Variants in CHST12 observed in about 807,000 individuals in gnomAD.
CHST12 encodes the protein carbohydrate (chondroitin 4) sulfotransferase 12.
In CHST12, 23 loss-of-function variants were observed where a neutral mutation model predicts 27.9. The observed-to-expected ratio is 0.82, with a 90% confidence interval of 0.59 to 1.17. The LOEUF is 1.17. Among genes scored for constraint, CHST12 ranks in the 50% most tolerant of loss-of-function variants. The pLI, the probability that CHST12 is intolerant of heterozygous loss-of-function variation, is 0.00. For missense variants in CHST12, 682 were observed against 603.0 expected (o/e 1.13, Z -1.37); for synonymous variants, 322 against 273.0 (o/e 1.18, Z -1.77).
Position 2,439,808 on chromosome 7 carries a change from G to C in CHST12, c.*5924G>C, listed in dbSNP as rs1236195920. 6.6e-6 allele frequency: 1 copy of C among 151,968 alleles called. No individual in the cohort carries two copies. Among genetic ancestry groups the C allele is most frequent in the African/African-American group, 2.4e-5 (1 of 41,434 alleles). 9.4% of individuals were successfully genotyped at this position (151,968 alleles called of 1,614,324 possible). A position where few individuals can be genotyped will look rare whatever the true frequency, so the allele number is the denominator to read the frequency against. ...GCAGGAGAATGGCGTGAACCCGGGA[G>C]GCGGAGCTTGCAGTGAGCGGAGATT... On this transcript the variant is annotated 3_prime_UTR_variant, in exon 2 of 2. Coordinates refer to ENST00000618655, the MANE Select transcript of CHST12 (RefSeq NM_018641.5).
intron 1 of CHST12, among the ~76,000 whole-genome samples, chr7:2,417,950 C>T (rs771338838): frequency 5.3e-5 from 8 of 152,256 alleles, no homozygotes; most frequent in Non-Finnish European, 7.3e-5. Flanking sequence ...GTGGAAAATG[C>T]GCTTCTGGGG....
chr7:2,408,418 A>G (rs953459857), intron 1 of CHST12, among the ~76,000 whole-genome samples: 2 of 151,034 alleles, frequency 1.3e-5, no homozygotes, highest in Admixed American at 6.6e-5. Context: ...TCCAGGACAT[A>G]CTGTTGTGAA....
At chr7:2,428,695 A>G (rs1269727635) in intron 1 of CHST12, among the ~76,000 whole-genome samples, 4 of 152,238 alleles carry the variant, frequency 2.6e-5, no homozygotes, top group African/African-American at 9.6e-5. Flanking sequence ...GTATACAGAG[A>G]TAAGAATTTA....
intron 1 of CHST12, among the ~76,000 whole-genome samples, chr7:2,418,259 A>T (rs1400344143): frequency 3.9e-5 from 6 of 152,250 alleles, no homozygotes; most frequent in African/African-American, 1.4e-4. Context: ...CTAAGACACA[A>T]CTCTGTCAGC....
intron 1 of CHST12, among the ~76,000 whole-genome samples, chr7:2,428,629 A>G (rs1297741404): frequency 6.6e-6 from 1 of 152,072 alleles, no homozygotes; most frequent in African/African-American, 2.4e-5. Flanking sequence ...ATGAGGTGAG[A>G]TGGTCACATG....
rs1268208591 is a variant in CHST12, at chr7:2,434,134, T to TCGCC, written c.*254_*257dup. On this transcript the variant is annotated 3_prime_UTR_variant, in exon 2 of 2. Transcript: ENST00000618655. The stretch of plus-strand genomic sequence containing the variant: ...CCCACCCGCCCGCCCGCTCGCCCGC[T>TCGCC]CGCCCGCTCCTGTGGTTTTTCTGAG... 13 of 287,030 alleles carry TCGCC rather than the reference T, an allele frequency of 4.5e-5. No homozygotes were observed. The highest frequency in any genetic ancestry group is 3.8e-4 in the East Asian group (6 of 15,946). The allele number at this position is 287,030 out of a possible 1,614,324, so 17.8% of individuals were successfully genotyped here.
intron 1 of CHST12, among the ~76,000 whole-genome samples, chr7:2,410,751 C>T (rs1042990707): frequency 2.6e-5 from 4 of 151,894 alleles, no homozygotes; most frequent in South Asian, 2.1e-4. Context: ...GGTGGATGAA[C>T]GGCAAGGAGA....
At position 2,430,877 on chromosome 7, in the gene CHST12, C is replaced by T. The variant is rs139211103; in HGVS notation, c.-77-1686C>T. Among the ~76,000 whole-genome samples, 625 of 152,334 alleles carry T rather than the reference C, an allele frequency of 4.1e-3. 4 individuals carry two copies. Among genetic ancestry groups the T allele is most frequent in the South Asian group, 7.9e-3 (38 of 4,828 alleles). Reference sequence around the variant, plus strand: ...TGATGGGATTACAGATGTGAGCCACCGTGCCCTGTCAAGATTTCAATTCTT... The same window carrying T: ...TGATGGGATTACAGATGTGAGCCACTGTGCCCTGTCAAGATTTCAATTCTT... On this transcript the variant is annotated intron_variant, in intron 1 of 1. Coordinates refer to ENST00000618655, the MANE Select transcript of CHST12 (RefSeq NM_018641.5).
At chr7:2,418,666 A>G (rs1395095040) in intron 1 of CHST12, among the ~76,000 whole-genome samples, 1 of 152,186 alleles carries the variant, frequency 6.6e-6, no homozygotes, top group Non-Finnish European at 1.5e-5. Context: ...CAGCGGTTCT[A>G]TCGGACCCTT....
rs967277045 is a variant in CHST12 at position 2,439,265 on chromosome 7, T to C, written c.*5381T>C. 5 of 152,198 alleles carry C rather than the reference T, an allele frequency of 3.3e-5. No individual in the cohort carries two copies. The highest frequency in any genetic ancestry group is 9.6e-5 in the African/African-American group (4 of 41,458). 9.4% of individuals were successfully genotyped at this position (152,198 alleles called of 1,614,324 possible). A position where few individuals can be genotyped will look rare whatever the true frequency, so the allele number is the denominator to read the frequency against. ...ATGCAGGGCACTGTTCACGTGGACATGAGCCGTTTCTTAGCATCATGAGAT... is the reference window on the plus strand; with the variant it reads ...ATGCAGGGCACTGTTCACGTGGACACGAGCCGTTTCTTAGCATCATGAGAT... On this transcript the variant is annotated 3_prime_UTR_variant, in exon 2 of 2. Transcript: ENST00000618655.
intron 1 of CHST12, among the ~76,000 whole-genome samples, chr7:2,413,443 G>A (rs1781719889): frequency 6.6e-6 from 1 of 152,206 alleles, no homozygotes; most frequent in Non-Finnish European, 1.5e-5. Flanking sequence ...TATGCAGTTT[G>A]AGGAACGTGG....
At chr7:2,417,898 G>A (rs980245813) in intron 1 of CHST12, among the ~76,000 whole-genome samples, 3 of 152,220 alleles carry the variant, frequency 2.0e-5, no homozygotes, top group African/African-American at 7.2e-5. Context: ...CACGTATTAC[G>A]TGACCTTTTT....
Position 2,435,782 on chromosome 7 carries a change from CT to C in CHST12, c.*1900del. 1 of 152,400 alleles carries C rather than the reference CT, an allele frequency of 6.6e-6. No homozygotes were observed. Among genetic ancestry groups the C allele is most frequent in the Non-Finnish European group, 1.5e-5 (1 of 68,116 alleles). 9.4% of individuals were successfully genotyped at this position (152,400 alleles called of 1,614,324 possible). On this transcript the variant is annotated 3_prime_UTR_variant, in exon 2 of 2. Transcript: ENST00000618655. ...GTCCCCTGTGTTAGACACCTCCTGC[CT>C]TCCTTTCTGAAGCTTCGCTTTCTTT...
At chr7:2,416,885 T>C (rs77706058) in intron 1 of CHST12, among the ~76,000 whole-genome samples, 1 of 152,244 alleles carries the variant, frequency 6.6e-6, no homozygotes, top group African/African-American at 2.4e-5. Flanking sequence ...ATACGCCTTC[T>C]CCGCACAGTA....
chr7:2,432,449 T>C (rs1782297084), intron 1 of CHST12, 114 bp from the exon 2 acceptor site: 8 of 640,610 alleles, frequency 1.2e-5, no homozygotes, highest in South Asian at 2.0e-5. Context: ...CGAGCTGATA[T>C]CACGTGGCCC....
At position 2,440,678 on chromosome 7, in the gene CHST12, C is replaced by G. The variant is rs1782581308; in HGVS notation, c.*6794C>G. ...GGTGGTTTATACCTGTAGTCACCTT[C>G]TATCTTAGTTAGGAATTCACCTTCA... On this transcript the variant is annotated 3_prime_UTR_variant, in exon 2 of 2. Transcript: ENST00000618655. The G allele has an allele frequency of 6.6e-6, 1 of 152,160 alleles. No homozygotes were observed. Among genetic ancestry groups the G allele is most frequent in the Non-Finnish European group, 1.5e-5 (1 of 68,014 alleles). The allele number at this position is 152,160 out of a possible 1,614,324, so 9.4% of individuals were successfully genotyped here. A position where few individuals can be genotyped will look rare whatever the true frequency, so the allele number is the denominator to read the frequency against.
rs539514956 is a variant in CHST12 at position 2,447,732 on chromosome 7, C to T, written c.*13848C>T. 2.0e-5 allele frequency: 3 copies of T among 152,226 alleles called. No individual in the cohort carries two copies. Among genetic ancestry groups the T allele is most frequent in the Non-Finnish European group, 4.4e-5 (3 of 68,030 alleles). 9.4% of individuals were successfully genotyped at this position (152,226 alleles called of 1,614,324 possible). A position where few individuals can be genotyped will look rare whatever the true frequency, so the allele number is the denominator to read the frequency against. On this transcript the variant is annotated 3_prime_UTR_variant, in exon 2 of 2. Transcript: ENST00000618655. ...AAGTGATTCGCCCGCCTCGGCCTCC[C>T]AAAGTGCTGGGATTACAAGCATGAG...
At chr7:2,403,482 C>T (rs948389121), upstream of CHST12, 5 of 151,948 alleles carry the variant, frequency 3.3e-5, no homozygotes, top group East Asian at 5.8e-4. Context: ...CGCAGGCGCG[C>T]TGAGGGCGGG....
In CHST12 at chr7:2,432,586, C is replaced by G; in HGVS notation, c.-54C>G. On this transcript the variant is annotated 5_prime_UTR_variant, in exon 2 of 2. Coordinates refer to ENST00000618655, the MANE Select transcript of CHST12 (RefSeq NM_018641.5). ...AGGTTCCCAGCAGGATGCCCCGGCTCTGCAGGAAGCTGAAGTGAGAGGCCC... is the reference window on the plus strand; with the variant it reads ...AGGTTCCCAGCAGGATGCCCCGGCTGTGCAGGAAGCTGAAGTGAGAGGCCC... The G allele has an allele frequency of 1.9e-6, 3 of 1,555,546 alleles. No individual in the cohort carries two copies. Among genetic ancestry groups the G allele is most frequent in the East Asian group, 2.3e-5 (1 of 44,108 alleles).
Sources: allele counts gnomAD v4.1 joint callset (sites outside exome capture counted in the v4.1 genomes callset), GRCh38; gene constraint gnomAD v4.1.1; transcripts MANE v1.5; gene names NCBI Gene and HGNC (gene_info 2026-07-23, HGNC 2026-07-21).